Variants in C10orf67 observed in about 807,000 individuals in gnomAD.
C10orf67 encodes the protein chromosome 10 open reading frame 67.
Under a neutral mutation model 35.6 loss-of-function variants are expected in C10orf67, and 60 were observed. That is an observed-to-expected ratio of 1.68 (90% CI 1.37 to 2.09). C10orf67 has a LOEUF of 2.09. Among genes scored for constraint, C10orf67 ranks in the 30% most tolerant of loss-of-function variants. C10orf67 has a pLI of 0.00. For missense variants in C10orf67, 474 were observed against 330.2 expected (o/e 1.44, Z -3.38); for synonymous variants, 167 against 115.8 (o/e 1.44, Z -2.84).
intron 2 of C10orf67, among the ~76,000 whole-genome samples, chr10:23,329,797 C>CAAAAAAA (rs398013008): frequency 0.1 from 4,828 of 47,384 alleles, 260 homozygotes; most frequent in Admixed American, 0.14. Context: ...GAACTTGTCT[C>CAAAAAAA]AAAAAAAAAA....
In C10orf67 at chr10:23,282,004, T is replaced by C. The variant is rs767535565; in HGVS notation, c.975+9A>G. 1.7e-6 allele frequency: 1 copy of C among 599,444 alleles called. No homozygotes were observed. Among genetic ancestry groups the C allele is most frequent in the Admixed American group, 3.2e-5 (1 of 31,016 alleles). 37.1% of individuals were successfully genotyped at this position (599,444 alleles called of 1,614,324 possible). Reference sequence around the variant, plus strand: ...CAAATTTGTTAGGAAATAATGTAAATCATCTTACCACATCCTGAACTAATG... The same window carrying C: ...CAAATTTGTTAGGAAATAATGTAAACCATCTTACCACATCCTGAACTAATG... On this transcript the variant is annotated intron_variant, in intron 8 of 15. Transcript: ENST00000636213.
chr10:23,276,751 C>G (rs1469127229), intron 8 of C10orf67, among the ~76,000 whole-genome samples: 1 of 152,128 alleles, frequency 6.6e-6, no homozygotes, highest in East Asian at 1.9e-4. Flanking sequence ...GGCCTAATCA[C>G]CACGTTGCGA....
chr10:23,327,854 T>C (rs917778872), intron 2 of C10orf67, among the ~76,000 whole-genome samples: 2 of 151,816 alleles, frequency 1.3e-5, no homozygotes, highest in African/African-American at 2.4e-5. Flanking sequence ...TTCCTGCATC[T>C]ATGCCACATT....
chr10:23,314,029 A>C (rs1401246415), intron 4 of C10orf67, among the ~76,000 whole-genome samples: 1 of 152,214 alleles, frequency 6.6e-6, no homozygotes, highest in Admixed American at 6.5e-5. Flanking sequence ...GAGGTAAAAA[A>C]ACTGGCAGGA....
chr10:23,265,376 T>G (rs1363223742), intron 10 of C10orf67, among the ~76,000 whole-genome samples: 1 of 152,226 alleles, frequency 6.6e-6, no homozygotes, highest in East Asian at 1.9e-4. Context: ...GAAGTGCAAA[T>G]TCTGCCCTGT....
At chr10:23,230,978 T>C (rs1375552002) in intron 13 of C10orf67, among the ~76,000 whole-genome samples, 1 of 152,192 alleles carries the variant, frequency 6.6e-6, no homozygotes. Context: ...TCCTTTCATT[T>C]TTTTGGAGAC....
intron 15 of C10orf67, among the ~76,000 whole-genome samples, chr10:23,204,716 A>G (rs1249802316): frequency 6.6e-6 from 1 of 152,198 alleles, no homozygotes; most frequent in African/African-American, 2.4e-5. Context: ...ATTATGAATG[A>G]GAAGGAAAGG....
intron 15 of C10orf67, among the ~76,000 whole-genome samples, chr10:23,221,850 T>A (rs75305315): frequency 6.6e-6 from 1 of 152,210 alleles, no homozygotes; most frequent in Non-Finnish European, 1.5e-5. Flanking sequence ...CTGGAACCAA[T>A]TAATAAGAAA....
intron 4 of C10orf67, among the ~76,000 whole-genome samples, chr10:23,307,457 G>A (rs1844330581): frequency 6.6e-6 from 1 of 151,896 alleles, no homozygotes; most frequent in South Asian, 2.1e-4. Context: ...ATATATGAAG[G>A]TGGCTATGAA....
chr10:23,239,616 CT>C (rs1341006952), intron 13 of C10orf67, 112 bp downstream of exon 13: 12 of 509,476 alleles, frequency 2.4e-5, no homozygotes, highest in Non-Finnish European at 4.5e-5. Flanking sequence ...CTGCCTTGTA[CT>C]ATCTCTAGAG....
chr10:23,262,435 C>T (rs550968498), intron 10 of C10orf67, among the ~76,000 whole-genome samples: 3 of 152,102 alleles, frequency 2.0e-5, no homozygotes, highest in Admixed American at 2.0e-4. Context: ...ACCACCAAGT[C>T]GCTATCATCT....
intron 4 of C10orf67, among the ~76,000 whole-genome samples, chr10:23,306,284 G>A (rs1034860041): frequency 6.6e-6 from 1 of 152,138 alleles, no homozygotes; most frequent in Non-Finnish European, 1.5e-5. Flanking sequence ...TCAGCACTTT[G>A]GGAGCCCTAG....
In C10orf67 at chr10:23,273,328, C is replaced by T. The variant is rs374720818; in HGVS notation, c.976-6074G>A. 2.0e-4 allele frequency among the ~76,000 whole-genome samples: 30 copies of T among 152,250 alleles called. No individual in the cohort carries two copies. In the South Asian group the frequency reaches 4.8e-3, roughly 24 times the overall value. On this transcript the variant is annotated intron_variant, in intron 8 of 15. Coordinates refer to ENST00000636213, the MANE Select transcript of C10orf67 (RefSeq NM_001371909.1). Reference sequence around the variant, plus strand: ...ATAATAGTGTGTTTCGTAGATATCGCCTATCAGCTTGAGAGGTTCTCTTCT... The same window carrying T: ...ATAATAGTGTGTTTCGTAGATATCGTCTATCAGCTTGAGAGGTTCTCTTCT...
chr10:23,336,982 G>T (rs1031005601), intron 1 of C10orf67, among the ~76,000 whole-genome samples: 1 of 152,136 alleles, frequency 6.6e-6, no homozygotes, highest in African/African-American at 2.4e-5. Flanking sequence ...CTCAAAAGAT[G>T]ATGGGAAAAT....
At chr10:23,337,019 A>G (rs1845712582) in intron 1 of C10orf67, among the ~76,000 whole-genome samples, 1 of 152,222 alleles carries the variant, frequency 6.6e-6, no homozygotes. Context: ...AACTAGATTG[A>G]AGAAACAACC....
At chr10:23,248,709 C>A (rs78207215) in intron 12 of C10orf67, among the ~76,000 whole-genome samples, 1 of 152,270 alleles carries the variant, frequency 6.6e-6, no homozygotes, top group Admixed American at 6.5e-5. Flanking sequence ...CAAATGCACT[C>A]GCTACGGTGC....
chr10:23,233,728 A>C (rs1841970511), intron 13 of C10orf67, among the ~76,000 whole-genome samples: 1 of 152,238 alleles, frequency 6.6e-6, no homozygotes, highest in Admixed American at 6.5e-5. Flanking sequence ...GACGAAGTTC[A>C]GGGAACAAAA....
intron 8 of C10orf67, among the ~76,000 whole-genome samples, chr10:23,268,485 A>C (rs139049541): frequency 6.6e-6 from 1 of 152,196 alleles, no homozygotes. Context: ...CATTAATCTC[A>C]TTGGCATCTG....
chr10:23,344,675 G>T lies in C10orf67; in HGVS notation c.100C>A (p.Arg34Ser). Residue 34 changes from arginine (R) to serine (S), a missense_variant, in exon 1 of 16, where the codon CGC becomes AGC. Transcript: ENST00000636213. ...SSSLRGTFGT[R>S]WEAMKAKATE... ...GCCTTGGCTTTCATGGCCTCCCAGCGTGTGCCAAAGGTCCCCCTCAAGGAG... is the reference window on the plus strand; with the variant it reads ...GCCTTGGCTTTCATGGCCTCCCAGCTTGTGCCAAAGGTCCCCCTCAAGGAG... The T allele has an allele frequency of 6.3e-7, 1 of 1,579,506 alleles. No homozygotes were observed. The highest frequency in any genetic ancestry group is 8.6e-7 in the Non-Finnish European group (1 of 1,163,126).
Sources: gnomAD v4.1 joint callset for allele counts (sites outside exome capture counted in the v4.1 genomes callset) on GRCh38, gnomAD v4.1.1 for gene constraint, MANE v1.5 for transcripts, NCBI Gene and HGNC (gene_info 2026-07-23, HGNC 2026-07-21) for gene names.